Variants in DLG2 observed in about 807,000 individuals in gnomAD.
DLG2 encodes disks large homolog 2.
DLG2 carries 45 observed loss-of-function variants against 132.5 expected under a neutral mutation model. That is an observed-to-expected ratio of 0.34 (90% CI 0.27 to 0.44). The LOEUF (loss-of-function observed/expected upper bound fraction) is 0.44, where lower values mean the gene tolerates loss of function less well. DLG2 is among the 20% of genes least tolerant of loss of function. The pLI, the probability that DLG2 is intolerant of heterozygous loss-of-function variation, is 1.00. For missense variants in DLG2, 1,045 were observed against 1,196.9 expected (o/e 0.87, Z 1.87); for synonymous variants, 424 against 419.6 (o/e 1.01, Z -0.13).
rs909960180 is a variant in DLG2, at chr11:84,238,093, C to T, written c.573+13145G>A. Among the ~76,000 whole-genome samples the T allele has an allele frequency of 4.8e-5, 7 of 146,702 alleles. No individual in the cohort carries two copies. In the South Asian group the frequency reaches 1.1e-3, roughly 23 times the overall value. On this transcript the variant is annotated intron_variant, in intron 8 of 27. Transcript: ENST00000376104. ...AGAAAAGAAAAGAAAAAGAAAGACACTAGAGGGAAGTCAGTCACTGAAACA... is the reference window on the plus strand; with the variant it reads ...AGAAAAGAAAAGAAAAAGAAAGACATTAGAGGGAAGTCAGTCACTGAAACA...
At chr11:83,703,371 C>T (rs150322924) in intron 18 of DLG2, among the ~76,000 whole-genome samples, 4 of 152,270 alleles carry the variant, frequency 2.6e-5, no homozygotes, top group South Asian at 2.1e-4. Context: ...AACAAACGGC[C>T]GGGCCTGGTG....
intron 9 of DLG2, among the ~76,000 whole-genome samples, chr11:84,124,178 G>A (rs762791074): frequency 1.3e-5 from 2 of 152,182 alleles, no homozygotes; most frequent in African/African-American, 2.4e-5. Flanking sequence ...CCTTTGAAAT[G>A]TACTGACCAC....
intron 18 of DLG2, among the ~76,000 whole-genome samples, chr11:83,723,363 G>A (rs888761052): frequency 6.6e-6 from 1 of 152,106 alleles, no homozygotes; most frequent in Admixed American, 6.5e-5. Flanking sequence ...CTGGGCAACA[G>A]AGTGAAACTC....
chr11:83,596,977 C>T (rs936958275), intron 19 of DLG2, among the ~76,000 whole-genome samples: 6 of 151,908 alleles, frequency 3.9e-5, no homozygotes, highest in East Asian at 1.9e-4. Context: ...AGATTTTTAC[C>T]GGAGCTCATT....
At chr11:85,014,545 A>G (rs2059411249) in intron 6 of DLG2, among the ~76,000 whole-genome samples, 1 of 152,158 alleles carries the variant, frequency 6.6e-6, no homozygotes, top group Non-Finnish European at 1.5e-5. Flanking sequence ...GGTTACATGC[A>G]TCCCTTTCTC....
At chr11:85,542,015 GA>G (rs1007993396) in intron 3 of DLG2, among the ~76,000 whole-genome samples, 20 of 152,112 alleles carry the variant, frequency 1.3e-4, no homozygotes, top group East Asian at 3.9e-4. Context: ...GAGTAAGGGG[GA>G]AAAAAATCTG....
intron 19 of DLG2, among the ~76,000 whole-genome samples, chr11:83,604,829 G>C (rs1345187080): frequency 6.6e-6 from 1 of 152,068 alleles, no homozygotes; most frequent in Non-Finnish European, 1.5e-5. Flanking sequence ...AAATCTATAA[G>C]ACAAAAACTA....
At chr11:83,786,098 A>T (rs1271436489) in intron 18 of DLG2, among the ~76,000 whole-genome samples, 6 of 152,226 alleles carry the variant, frequency 3.9e-5, no homozygotes, top group Admixed American at 6.5e-5. Context: ...GTTTAAATAA[A>T]CCAAAAAGCA....
intron 3 of DLG2, among the ~76,000 whole-genome samples, chr11:85,532,349 A>G (rs746068203): frequency 3.9e-5 from 6 of 152,228 alleles, no homozygotes; most frequent in Non-Finnish European, 7.3e-5. Context: ...GATATTTTCC[A>G]AGACTAGTTT....
intron 18 of DLG2, among the ~76,000 whole-genome samples, chr11:83,689,302 T>C (rs2080418962): frequency 1.3e-5 from 2 of 152,104 alleles, no homozygotes; most frequent in African/African-American, 4.8e-5. Flanking sequence ...TGCAAAGAGA[T>C]GGTGGGGGGT....
At chr11:83,690,598 G>A (rs1204406694) in intron 18 of DLG2, among the ~76,000 whole-genome samples, 1 of 131,266 alleles carries the variant, frequency 7.6e-6, no homozygotes, top group South Asian at 2.4e-4. Flanking sequence ...GCCTTTACAA[G>A]TACTTATTTG....
At chr11:84,620,691 A>G (rs754404916) in intron 6 of DLG2, among the ~76,000 whole-genome samples, 10 of 152,218 alleles carry the variant, frequency 6.6e-5, no homozygotes, top group South Asian at 6.2e-4. Flanking sequence ...TTTGTACTTC[A>G]TAAGTCTGAT....
At chr11:83,768,701 G>C (rs1285446096) in intron 18 of DLG2, among the ~76,000 whole-genome samples, 3 of 152,178 alleles carry the variant, frequency 2.0e-5, no homozygotes, top group Admixed American at 6.5e-5. Context: ...CAGATCCTGA[G>C]GCCATGCATA....
At chr11:84,426,568 G>C (rs1387460742) in intron 7 of DLG2, among the ~76,000 whole-genome samples, 1 of 152,074 alleles carries the variant, frequency 6.6e-6, no homozygotes, top group African/African-American at 2.4e-5. Context: ...TAAAATCATA[G>C]AGTAGTGACT....
intron 6 of DLG2, among the ~76,000 whole-genome samples, chr11:84,817,475 T>G (rs2077200829): frequency 6.6e-6 from 1 of 151,972 alleles, no homozygotes; most frequent in Admixed American, 6.6e-5. Flanking sequence ...AAACAAGTGA[T>G]ACACATTCTT....
chr11:85,078,745 C>T (rs575008050), intron 6 of DLG2, among the ~76,000 whole-genome samples: 23 of 152,074 alleles, frequency 1.5e-4, no homozygotes, highest in African/African-American at 5.5e-4. Context: ...AATATTAAAC[C>T]TTCATAGGTT....
At chr11:85,162,641 C>T (rs1172479632) in intron 4 of DLG2, among the ~76,000 whole-genome samples, 1 of 152,118 alleles carries the variant, frequency 6.6e-6, no homozygotes, top group Non-Finnish European at 1.5e-5. Flanking sequence ...TTCATATCAG[C>T]ATTAAAGTAT....
intron 6 of DLG2, among the ~76,000 whole-genome samples, chr11:84,854,914 C>T (rs2082590244): frequency 6.6e-6 from 1 of 152,000 alleles, no homozygotes; most frequent in Admixed American, 6.6e-5. Flanking sequence ...GAAGACTTAG[C>T]TCTGTGAGGG....
In DLG2 at chr11:84,534,573, C is replaced by T. The variant is rs776297248; in HGVS notation, c.516G>A (p.Leu172=). The T allele has an allele frequency of 6.2e-7, 1 of 1,613,752 alleles. No homozygotes were observed. Residue 172 remains leucine, a synonymous_variant, in exon 7 of 28, where the codon CTG becomes CTA. Coordinates refer to ENST00000376104, the MANE Select transcript of DLG2 (RefSeq NM_001142699.3). ...GYVLQSHISP[L]KASPAPIIVN... is the part of the protein sequence containing the mutation. ...TCGGAAGAGCAATATAACTGACCTT[C>T]AGAGGAGAAATATGAGACTGCAAGA...
Sources: allele counts gnomAD v4.1 joint callset (sites outside exome capture counted in the v4.1 genomes callset), GRCh38; gene constraint gnomAD v4.1.1; transcripts MANE v1.5; gene names NCBI Gene and HGNC (gene_info 2026-07-23, HGNC 2026-07-21).